The following SPIRE2 variants were observed in gnomAD, a reference collection of about 807,000 sequenced individuals.
The protein encoded by SPIRE2 is protein spire homolog 2.
In SPIRE2, 76 loss-of-function variants were observed where a neutral mutation model predicts 80.7. The ratio of observed to expected loss-of-function variants is 0.94; its 90% CI spans 0.78 to 1.14. SPIRE2 has a LOEUF of 1.14. Ranked by LOEUF, SPIRE2 falls within the 50% of genes most tolerant of loss-of-function variation. SPIRE2 has a pLI of 0.00. For synonymous variants in SPIRE2, 535 were observed against 432.6 expected (o/e 1.24, Z -2.94); for missense variants, 1,196 against 1,015.3 (o/e 1.18, Z -2.42).
intron 10 of SPIRE2, among the ~76,000 whole-genome samples, chr16:89,861,498 TC>T (rs2041744312): frequency 6.6e-6 from 1 of 152,148 alleles, no homozygotes; most frequent in South Asian, 2.1e-4. Context: ...TTAGCCTAGG[TC>T]GTATCCCACC....
chr16:89,862,075 C>G (rs1417950661), intron 10 of SPIRE2: 1 of 150,952 alleles, frequency 6.6e-6, no homozygotes, highest in Non-Finnish European at 1.5e-5. Flanking sequence ...GCCATCTCGG[C>G]TCACTGCAAG....
At chr16:89,830,077 C>CAGTG (rs2041364757) in intron 1 of SPIRE2, among the ~76,000 whole-genome samples, 1 of 151,444 alleles carries the variant, frequency 6.6e-6, no homozygotes, top group Admixed American at 6.5e-5. Context: ...CCGAGGCACA[C>CAGTG]AGTGGTAAGT....
At position 89,865,056 on chromosome 16, in the gene SPIRE2, G is replaced by A. The variant is rs369903721; in HGVS notation, c.1778+1195G>A. On this transcript the variant is annotated intron_variant, in intron 12 of 14. Coordinates refer to ENST00000378247, the MANE Select transcript of SPIRE2 (RefSeq NM_032451.2). ...GAGTCTCGCTCTGGCGCCCAGGCTG[G>A]AGTGCAGTGGCACGATCTTGGCTCA... Among the ~76,000 whole-genome samples the A allele has an allele frequency of 4.0e-5, 6 of 149,718 alleles. No individual in the cohort carries two copies. In the East Asian group the frequency reaches 9.8e-4, roughly 24 times the overall value.
rs2041618017 is a variant in SPIRE2 at position 89,850,738 on chromosome 16, G to T, written c.645+78G>T. On this transcript the variant is annotated intron_variant, in intron 3 of 14. Transcript: ENST00000378247. ...GCAGTGGGTGGGAGGGGACTGGCAA[G>T]GACGTCTCTTCGTGGACAGAAAGTC... 5.5e-6 allele frequency: 6 copies of T among 1,093,080 alleles called. No individual in the cohort carries two copies. The Admixed American group carries it at 2.0e-4, about 36-fold the overall frequency. 67.7% of individuals were successfully genotyped at this position (1,093,080 alleles called of 1,614,324 possible).
intron 1 of SPIRE2, among the ~76,000 whole-genome samples, chr16:89,832,046 C>G (rs966422007): frequency 6.6e-5 from 10 of 152,252 alleles, no homozygotes; most frequent in Non-Finnish European, 1.2e-4. Context: ...CCGCGCCGTG[C>G]TGATGAGCAG....
Position 89,828,717 on chromosome 16 carries a change from G to T in SPIRE2, c.167G>T (p.Gly56Val). 7.9e-7 allele frequency: 1 copy of T among 1,259,032 alleles called. No homozygotes were observed. The highest frequency in any genetic ancestry group is 1.0e-6 in the Non-Finnish European group (1 of 998,750). 78.0% of individuals were successfully genotyped at this position (1,259,032 alleles called of 1,614,324 possible). ...TGCCGCGGGCTGCGGGGCTCGCCGG[G>T]CCGGCGCCTGCGGGATACCGGGGAC... ...QGCRGLRGSPGRRLRDTGDLL... is the reference protein window; with the variant it reads ...QGCRGLRGSPVRRLRDTGDLL... Residue 56 changes from glycine (G) to valine (V), a missense_variant, in exon 1 of 15, where the codon GGC becomes GTC. Coordinates refer to ENST00000378247, the MANE Select transcript of SPIRE2 (RefSeq NM_032451.2). The surrounding 1 kb of genome is among the most constrained non-coding windows in gnomAD (Gnocchi z 5.9).
chr16:89,840,281 G>A (rs917529288), intron 1 of SPIRE2, among the ~76,000 whole-genome samples: 15 of 134,336 alleles, frequency 1.1e-4, no homozygotes, highest in South Asian at 4.6e-4. Context: ...ACGGAGTCTC[G>A]CTCTGTCGTC....
At chr16:89,830,376 A>C (rs772135928) in intron 1 of SPIRE2, among the ~76,000 whole-genome samples, 1 of 151,166 alleles carries the variant, frequency 6.6e-6, no homozygotes, top group Non-Finnish European at 1.5e-5. Context: ...TTCTGTTCAT[A>C]ACCCTGTCTC....
intron 2 of SPIRE2, among the ~76,000 whole-genome samples, chr16:89,847,322 G>A (rs1256043739): frequency 6.6e-6 from 1 of 152,222 alleles, no homozygotes; most frequent in South Asian, 2.1e-4. Context: ...CTGTGTGGCT[G>A]TGTCCGGTTG....
intron 14 of SPIRE2, 117 bp downstream of exon 14, chr16:89,869,799 G>A (rs2041823411): frequency 2.5e-6 from 2 of 810,426 alleles, no homozygotes; most frequent in African/African-American, 1.7e-5. Flanking sequence ...CAAGGAAATG[G>A]AAATGCAAGG....
intron 5 of SPIRE2, among the ~76,000 whole-genome samples, chr16:89,855,171 C>G (rs928118700): frequency 6.6e-6 from 1 of 152,168 alleles, no homozygotes; most frequent in African/African-American, 2.4e-5. Flanking sequence ...ATCTCCTGAC[C>G]TTGTGATCTG....
chr16:89,848,333 G>A (rs898089590), intron 2 of SPIRE2, among the ~76,000 whole-genome samples: 19 of 152,218 alleles, frequency 1.2e-4, no homozygotes, highest in African/African-American at 4.6e-4. Context: ...TGTCTTGCCC[G>A]CCTACAGCAG....
intron 12 of SPIRE2, among the ~76,000 whole-genome samples, chr16:89,867,587 A>ATTT (rs71137685): frequency 5.0e-5 from 7 of 139,612 alleles, no homozygotes; most frequent in African/African-American, 1.6e-4. Context: ...TTTTACCACC[A>ATTT]TTTTTTTTTT....
chr16:89,842,229 T>TTTTTTTTTTTTTTTC (rs1299656862), intron 1 of SPIRE2, among the ~76,000 whole-genome samples: 4 of 137,484 alleles, frequency 2.9e-5, no homozygotes, highest in African/African-American at 1.2e-4. Flanking sequence ...TTTTTTTTTT[T>TTTTTTTTTTTTTTTC]TGTGACGGAG....
intron 1 of SPIRE2, among the ~76,000 whole-genome samples, chr16:89,839,349 GGGC>G (rs1395154485): frequency 3.9e-4 from 59 of 149,842 alleles, no homozygotes; most frequent in African/African-American, 1.4e-3. Context: ...ACTCCAGCCT[GGGC>G]GACAGAGCGA....
chr16:89,830,355 C>A (rs1199916245), intron 1 of SPIRE2, among the ~76,000 whole-genome samples: 1 of 151,182 alleles, frequency 6.6e-6, no homozygotes, highest in Non-Finnish European at 1.5e-5. Context: ...TATTTGATAA[C>A]GATCTTTGTT....
intron 12 of SPIRE2, among the ~76,000 whole-genome samples, chr16:89,865,197 G>A (rs1015554553): frequency 1.1e-4 from 16 of 151,864 alleles, no homozygotes; most frequent in Non-Finnish European, 1.5e-5. Flanking sequence ...TAGTAGAGAT[G>A]GGGTTTCACC....
rs1262242057 is a variant in SPIRE2 at position 89,828,558 on chromosome 16, G to A, written c.8G>A (p.Arg3Gln). Residue 3 changes from arginine to glutamine, a missense_variant, in exon 1 of 15, where the codon CGG becomes CAG. Transcript: ENST00000378247. This position sits in a 1 kb window ranked among gnomAD's most constrained non-coding sequence, Gnocchi z 5.9. MA[R>Q]AGSCGGAAAG... is the part of the protein sequence containing the mutation. ...GGCGATGACGGCCCCGCCATGGCCC[G>A]GGCGGGCAGCTGCGGCGGCGCCGCG... The A allele has an allele frequency of 8.0e-5, 90 of 1,131,014 alleles. No homozygotes were observed. The highest frequency in any genetic ancestry group is 9.5e-5 in the Non-Finnish European group (88 of 927,724). The allele number at this position is 1,131,014 out of a possible 1,614,324, so 70.1% of individuals were successfully genotyped here.
intron 1 of SPIRE2, among the ~76,000 whole-genome samples, chr16:89,837,359 C>T (rs1255488116): frequency 6.6e-6 from 1 of 152,194 alleles, no homozygotes; most frequent in East Asian, 1.9e-4. Flanking sequence ...CAGGGTCAGA[C>T]TCAGCTGGGT....
Sources: gnomAD v4.1 joint callset for allele counts (sites outside exome capture counted in the v4.1 genomes callset) on GRCh38, gnomAD v4.1.1 for gene constraint, Gnocchi (gnomAD v3.1) non-coding constraint, MANE v1.5 for transcripts, NCBI Gene and HGNC (gene_info 2026-07-23, HGNC 2026-07-21) for gene names.